The following RAPGEF5 variants were observed in gnomAD, a reference collection of about 807,000 sequenced individuals.
RAPGEF5 encodes Rap guanine nucleotide exchange factor 5.
In RAPGEF5, 65 loss-of-function variants were observed where a neutral mutation model predicts 125.2. The ratio of observed to expected loss-of-function variants is 0.52; its 90% CI spans 0.43 to 0.64. The LOEUF is 0.64. Among genes scored for constraint, RAPGEF5 ranks in the 30% least tolerant of loss-of-function variants. RAPGEF5 has a pLI of 0.00. For missense variants in RAPGEF5, 958 were observed against 1,048.1 expected, an observed-to-expected ratio of 0.91 and a Z score of 1.19; for synonymous variants, 391 against 385.9, an observed-to-expected ratio of 1.01 and a Z score of -0.16.
At chr7:22,132,801 T>C (rs1355829925) in intron 23 of RAPGEF5, among the ~76,000 whole-genome samples, 2 of 152,212 alleles carry the variant, frequency 1.3e-5, no homozygotes, top group Non-Finnish European at 2.9e-5. Context: ...GTGTTAGACA[T>C]GGCTCTAAAG....
intron 1 of RAPGEF5, among the ~76,000 whole-genome samples, chr7:22,330,929 C>T (rs1783904947): frequency 6.6e-6 from 1 of 152,136 alleles, no homozygotes; most frequent in South Asian, 2.1e-4. Context: ...AACCGCATAT[C>T]AATTTTTAAA....
intron 7 of RAPGEF5, among the ~76,000 whole-genome samples, chr7:22,252,971 A>G (rs1430573697): frequency 6.6e-6 from 1 of 152,210 alleles, no homozygotes; most frequent in Non-Finnish European, 1.5e-5. Flanking sequence ...AAAGAAAGAT[A>G]CAACCCATCA....
intron 9 of RAPGEF5, among the ~76,000 whole-genome samples, chr7:22,200,509 CT>C (rs1372389053): frequency 2.0e-5 from 3 of 152,026 alleles, no homozygotes; most frequent in African/African-American, 4.8e-5. Context: ...TAGTTCTTTC[CT>C]TTTTTTAATC....
At chr7:22,189,375 T>G (rs773266555) in intron 11 of RAPGEF5, among the ~76,000 whole-genome samples, 1 of 152,186 alleles carries the variant, frequency 6.6e-6, no homozygotes, top group Non-Finnish European at 1.5e-5. Context: ...GAAGTATCTG[T>G]AAGCAAAACA....
At chr7:22,269,318 T>C (rs1235806689) in intron 6 of RAPGEF5, among the ~76,000 whole-genome samples, 2 of 152,150 alleles carry the variant, frequency 1.3e-5, no homozygotes, top group African/African-American at 2.4e-5. Context: ...CAGTTCTTTT[T>C]TGTTTTTTTA....
rs527965788 is a variant in RAPGEF5, at chr7:22,286,550, A to T, written c.747+4625T>A. On this transcript the variant is annotated intron_variant, in intron 6 of 25. Coordinates refer to ENST00000665637, the MANE Select transcript of RAPGEF5 (RefSeq NM_012294.5). ...TTGATTTTAAGTAAATATGAGATGG[A>T]AGTCTAGAATACGTTTTTATCTCCT... Among the ~76,000 whole-genome samples the T allele has an allele frequency of 3.3e-5, 5 of 152,346 alleles. No individual in the cohort carries two copies. In the East Asian group the frequency reaches 9.6e-4, roughly 29 times the overall value.
At chr7:22,136,674 G>C (rs1583396775) in intron 22 of RAPGEF5, among the ~76,000 whole-genome samples, 1 of 152,064 alleles carries the variant, frequency 6.6e-6, no homozygotes, top group South Asian at 2.1e-4. Flanking sequence ...CTTTGAAATG[G>C]ACTATACTTA....
intron 7 of RAPGEF5, among the ~76,000 whole-genome samples, chr7:22,231,446 AT>A (rs1786054741): frequency 6.6e-6 from 1 of 152,066 alleles, no homozygotes; most frequent in Non-Finnish European, 1.5e-5. Context: ...CCCTTTCTTC[AT>A]GGGTACAATG....
chr7:22,193,265 C>T (rs1266451690), intron 11 of RAPGEF5, 102 bp downstream of exon 11: 1 of 1,297,918 alleles, frequency 7.7e-7, no homozygotes, highest in Admixed American at 2.4e-5. Flanking sequence ...GCTATTTCTC[C>T]CCACCCCGGT....
intron 17 of RAPGEF5, among the ~76,000 whole-genome samples, chr7:22,154,035 G>T (rs1197032294): frequency 3.3e-5 from 5 of 152,048 alleles, no homozygotes; most frequent in Non-Finnish European, 4.4e-5. Flanking sequence ...TGTACAGTTT[G>T]TCTTTCAATA....
rs35006918 is a variant in RAPGEF5 at position 22,224,838 on chromosome 7, T to C, written c.871-4847A>G. On this transcript the variant is annotated intron_variant, in intron 8 of 25. Transcript: ENST00000665637. ...CCAAGTACAGTGTTTTGGTTTTCTT[T>C]TTTTTTTTTTTTTAATCAGCTGATT... Among the ~76,000 whole-genome samples the C allele has an allele frequency of 3.3e-3, 432 of 129,576 alleles. 2 individuals are homozygous for C. The highest frequency in any genetic ancestry group is 6.1e-3 in the Non-Finnish European group (327 of 53,482). The allele number at this position is 129,576 out of a possible 152,430, so 85.0% of individuals were successfully genotyped here.
intron 1 of RAPGEF5, among the ~76,000 whole-genome samples, chr7:22,336,601 A>G (rs1784031625): frequency 6.6e-6 from 1 of 152,200 alleles, no homozygotes; most frequent in African/African-American, 2.4e-5. Flanking sequence ...AGCGGTCCCC[A>G]GAGAAACTCC....
intron 1 of RAPGEF5, among the ~76,000 whole-genome samples, chr7:22,320,717 C>A (rs963227338): frequency 1.3e-5 from 2 of 152,186 alleles, no homozygotes; most frequent in Non-Finnish European, 2.9e-5. Flanking sequence ...TACTTCCATT[C>A]ATTTCATTTT....
intron 21 of RAPGEF5, among the ~76,000 whole-genome samples, chr7:22,139,256 C>A (rs955979143): frequency 3.3e-5 from 5 of 152,070 alleles, no homozygotes; most frequent in African/African-American, 1.2e-4. Flanking sequence ...GAGCCACACG[C>A]AGGCTAGAGG....
intron 18 of RAPGEF5, among the ~76,000 whole-genome samples, chr7:22,149,688 T>C (rs965496386): frequency 1.7e-4 from 26 of 152,318 alleles, no homozygotes; most frequent in African/African-American, 6.0e-4. Flanking sequence ...AGGTCATCCA[T>C]GCTTTTCTTC....
intron 23 of RAPGEF5, among the ~76,000 whole-genome samples, chr7:22,133,319 G>C (rs1782974091): frequency 6.6e-6 from 1 of 152,164 alleles, no homozygotes; most frequent in African/African-American, 2.4e-5. Flanking sequence ...CTGGCTACAG[G>C]TTTCGATGCA....
chr7:22,152,975 C>T (rs1239244864), intron 17 of RAPGEF5, among the ~76,000 whole-genome samples: 1 of 152,142 alleles, frequency 6.6e-6, no homozygotes, highest in Admixed American at 6.5e-5. Context: ...ATTGCCCATA[C>T]TGATGAATCT....
chr7:22,347,822 C>G (rs1784251940), intron 1 of RAPGEF5, among the ~76,000 whole-genome samples: 1 of 152,098 alleles, frequency 6.6e-6, no homozygotes, highest in African/African-American at 2.4e-5. Flanking sequence ...CTTCAAACAA[C>G]CTGATATGAT....
chr7:22,354,247 A>G (rs1784381203), intron 1 of RAPGEF5, among the ~76,000 whole-genome samples: 1 of 152,222 alleles, frequency 6.6e-6, no homozygotes, highest in South Asian at 2.1e-4. Context: ...ATCTTGGTCA[A>G]TATAGGAGAT....
Sources: gnomAD v4.1 joint callset for allele counts (sites outside exome capture counted in the v4.1 genomes callset) on GRCh38, gnomAD v4.1.1 for gene constraint, MANE v1.5 for transcripts, NCBI Gene and HGNC (gene_info 2026-07-23, HGNC 2026-07-21) for gene names.